Variants in RBFOX1 observed in about 807,000 individuals in gnomAD.
RBFOX1 encodes the protein RNA binding protein fox-1 homolog 1.
Under a neutral mutation model 57.7 loss-of-function variants are expected in RBFOX1, and 8 were observed. The ratio of observed to expected loss-of-function variants is 0.14; its 90% confidence interval spans 0.08 to 0.25. The LOEUF is 0.25. RBFOX1 is among the 10% of genes least tolerant of loss of function. RBFOX1 has a pLI of 1.00. For synonymous variants in RBFOX1, 326 were observed against 222.4 expected (o/e 1.47, Z -4.15); for missense variants, 611 against 548.5 (o/e 1.11, Z -1.14).
intron 1 of RBFOX1, among the ~76,000 whole-genome samples, chr16:5,285,007 G>T (rs2063358835): frequency 6.6e-6 from 1 of 151,864 alleles, no homozygotes; most frequent in South Asian, 2.1e-4. Context: ...TATATCATTT[G>T]CAAGACTTAG....
intron 14 of RBFOX1, among the ~76,000 whole-genome samples, chr16:7,699,656 A>T (rs1194144074): frequency 6.6e-6 from 1 of 152,230 alleles, no homozygotes; most frequent in Admixed American, 6.5e-5. Flanking sequence ...AAATGATGTA[A>T]AATATATCAA....
chr16:5,463,020 T>G (rs573943547), intron 1 of RBFOX1, among the ~76,000 whole-genome samples: 159 of 152,322 alleles, frequency 1.0e-3, no homozygotes, highest in African/African-American at 3.7e-3. Context: ...CATCTAATCC[T>G]TGGTCCATTT....
At chr16:5,977,055 C>G (rs768887002) in intron 4 of RBFOX1, among the ~76,000 whole-genome samples, 3 of 152,128 alleles carry the variant, frequency 2.0e-5, no homozygotes, top group Non-Finnish European at 2.9e-5. Flanking sequence ...CACAGGGCAT[C>G]AGAATCTCCT....
At chr16:6,001,817 C>T (rs1330056109) in intron 4 of RBFOX1, among the ~76,000 whole-genome samples, 5 of 152,050 alleles carry the variant, frequency 3.3e-5, no homozygotes, top group African/African-American at 1.2e-4. Context: ...GCCTGGGAAA[C>T]ACTGCAATAA....
intron 2 of RBFOX1, among the ~76,000 whole-genome samples, chr16:5,469,798 C>T (rs184075917): frequency 1.3e-5 from 2 of 152,280 alleles, no homozygotes; most frequent in African/African-American, 4.8e-5. Flanking sequence ...TCATTCAGCA[C>T]AATGTTTTTG....
intron 1 of RBFOX1, among the ~76,000 whole-genome samples, chr16:6,283,036 C>T (rs1418181868): frequency 6.6e-6 from 1 of 152,146 alleles, no homozygotes; most frequent in African/African-American, 2.4e-5. Flanking sequence ...GACTCTAAAA[C>T]CCTTACGCAA....
chr16:5,934,177 G>A (rs1419079836), intron 4 of RBFOX1, among the ~76,000 whole-genome samples: 1 of 152,216 alleles, frequency 6.6e-6, no homozygotes, highest in Admixed American at 6.5e-5. Flanking sequence ...ACATGCTGCT[G>A]TTTCGTTGGC....
At chr16:6,108,620 T>C (rs1042426092) in intron 1 of RBFOX1, among the ~76,000 whole-genome samples, 3 of 152,212 alleles carry the variant, frequency 2.0e-5, no homozygotes, top group Non-Finnish European at 4.4e-5. Flanking sequence ...AGTTGGTGGC[T>C]TAGCACGACA....
chr16:5,255,370 A>C (rs370165690), intron 1 of RBFOX1, among the ~76,000 whole-genome samples: 46 of 146,760 alleles, frequency 3.1e-4, no homozygotes, highest in Non-Finnish European at 5.4e-4. Flanking sequence ...CCATCCATCC[A>C]TCCATCCATC....
At chr16:7,341,647 C>G (rs138870467) in intron 4 of RBFOX1, among the ~76,000 whole-genome samples, 114 of 152,242 alleles carry the variant, frequency 7.5e-4, no homozygotes, top group African/African-American at 2.7e-3. Flanking sequence ...CAGAGAGATA[C>G]TCCAAATGAC....
rs17139668 is a variant in RBFOX1, at chr16:6,246,217, C to G, written c.-126-70778C>G. 6.0e-3 allele frequency among the ~76,000 whole-genome samples: 906 copies of G among 152,264 alleles called. 10 individuals are homozygous for G. The highest frequency in any genetic ancestry group is 0.02 in the African/African-American group (841 of 41,554). On this transcript the variant is annotated intron_variant, in intron 1 of 15. Coordinates refer to ENST00000550418, the MANE Select transcript of RBFOX1 (RefSeq NM_018723.4). Reference sequence around the variant, plus strand: ...AGTAAGGGTGTCTAAGGCTGTACCTCAAGCTTTGTGACTGGAACTGATGGC... The same window carrying G: ...AGTAAGGGTGTCTAAGGCTGTACCTGAAGCTTTGTGACTGGAACTGATGGC...
At chr16:6,782,444 A>G (rs998046015) in intron 3 of RBFOX1, among the ~76,000 whole-genome samples, 2 of 152,020 alleles carry the variant, frequency 1.3e-5, no homozygotes, top group African/African-American at 4.8e-5. Context: ...CCATGTATTT[A>G]TATAGTTTCC....
intron 2 of RBFOX1, among the ~76,000 whole-genome samples, chr16:5,519,476 T>C (rs2043927522): frequency 6.6e-6 from 1 of 152,184 alleles, no homozygotes; most frequent in South Asian, 2.1e-4. Flanking sequence ...GTAATCCCAG[T>C]GCTCTGGGAA....
chr16:5,803,832 T>A (rs1447895564), intron 3 of RBFOX1, among the ~76,000 whole-genome samples: 1 of 152,198 alleles, frequency 6.6e-6, no homozygotes, highest in Non-Finnish European at 1.5e-5. Flanking sequence ...AAATGTTGCT[T>A]CTTTCCTCTC....
At chr16:6,073,258 A>G (rs1479154626) in intron 1 of RBFOX1, among the ~76,000 whole-genome samples, 1 of 152,178 alleles carries the variant, frequency 6.6e-6, no homozygotes, top group Non-Finnish European at 1.5e-5. Flanking sequence ...TTAAGACAAA[A>G]ATGACTCTGA....
intron 4 of RBFOX1, among the ~76,000 whole-genome samples, chr16:7,131,310 C>T (rs568005126): frequency 7.1e-6 from 1 of 140,196 alleles, no homozygotes; most frequent in East Asian, 2.1e-4. Context: ...CACACCATTG[C>T]ACTGCAGCGT....
chr16:7,053,982 C>A (rs1202205197), intron 4 of RBFOX1, among the ~76,000 whole-genome samples: 2 of 152,028 alleles, frequency 1.3e-5, no homozygotes, highest in Admixed American at 6.6e-5. Context: ...GTTTTCCCTT[C>A]CCACGTGACT....
At chr16:5,951,800 T>C (rs2059525330) in intron 4 of RBFOX1, among the ~76,000 whole-genome samples, 1 of 151,872 alleles carries the variant, frequency 6.6e-6, no homozygotes, top group Non-Finnish European at 1.5e-5. Context: ...AAGTTAAAAG[T>C]TAAAGTTGTT....
chr16:7,166,501 T>C (rs769943898), intron 4 of RBFOX1, among the ~76,000 whole-genome samples: 22 of 151,534 alleles, frequency 1.5e-4, no homozygotes, highest in African/African-American at 5.1e-4. Context: ...AGATCAGAGG[T>C]TGGAGAAGAA....
Sources: gnomAD v4.1 joint callset for allele counts (sites outside exome capture counted in the v4.1 genomes callset) on GRCh38, gnomAD v4.1.1 for gene constraint, MANE v1.5 for transcripts, NCBI Gene and HGNC (gene_info 2026-07-23, HGNC 2026-07-21) for gene names.